The following ZNF236 variants were observed in gnomAD, a reference collection of about 807,000 sequenced individuals.
The protein encoded by ZNF236 is regulated by glucose.
In ZNF236, 50 loss-of-function variants were observed where a neutral mutation model predicts 191.2. That is an observed-to-expected ratio of 0.26 (90% CI 0.21 to 0.33). The LOEUF (loss-of-function observed/expected upper bound fraction) is 0.33. Ranked by LOEUF, ZNF236 falls within the 10% of genes least tolerant of loss-of-function variation. The pLI, the probability that ZNF236 is intolerant of heterozygous loss-of-function variation, is 1.00. For synonymous variants in ZNF236, 907 were observed against 928.8 expected (o/e 0.98, Z 0.43); for missense variants, 1,754 against 2,374.5 (o/e 0.74, Z 5.43).
intron 26 of ZNF236, among the ~76,000 whole-genome samples, chr18:76,941,953 A>G (rs1455417548): frequency 6.6e-6 from 1 of 152,174 alleles, no homozygotes; most frequent in Non-Finnish European, 1.5e-5. Context: ...TTTGAATGGT[A>G]TTTTTCTAAA....
intron 1 of ZNF236, chr18:76,841,186 C>T (rs1975487198): frequency 1.3e-5 from 2 of 152,290 alleles, no homozygotes. Flanking sequence ...ATCCACCCAC[C>T]TCGGCCTCCC....
chr18:76,866,425 G>A (rs985899275), intron 3 of ZNF236, among the ~76,000 whole-genome samples: 1 of 152,150 alleles, frequency 6.6e-6, no homozygotes, highest in African/African-American at 2.4e-5. Context: ...GATGATGATG[G>A]GGGGGATCCT....
intron 9 of ZNF236, among the ~76,000 whole-genome samples, chr18:76,882,216 C>T (rs11663537): frequency 0.94 from 143,563 of 152,266 alleles, 67,749 homozygotes; most frequent in Non-Finnish European, 0.96. Flanking sequence ...CTCTGGTCTC[C>T]GTCAAATCTT....
At chr18:76,851,732 A>G (rs777514666) in intron 2 of ZNF236, 43 bp from the exon 3 acceptor site, 14 of 1,577,710 alleles carry the variant, frequency 8.9e-6, no homozygotes, top group South Asian at 1.2e-5. Context: ...CATCTGTGAA[A>G]AGATTGTATT....
intron 5 of ZNF236, among the ~76,000 whole-genome samples, chr18:76,873,052 A>G (rs1976621685): frequency 6.6e-6 from 1 of 152,174 alleles, no homozygotes; most frequent in Non-Finnish European, 1.5e-5. Context: ...TTTCTAGAGT[A>G]AGAGAGAAAG....
chr18:76,843,775 CAAAAAAAAAAAAAAAAAAA>C (rs780026489), intron 1 of ZNF236, among the ~76,000 whole-genome samples: 2 of 8,260 alleles, frequency 2.4e-4, no homozygotes, highest in Non-Finnish European at 3.7e-4. Context: ...GACTCCGTCT[CAAAAAAAAAAAAAAAAAAA>C]AAAAAAAAAA....
Position 76,972,817 on chromosome 18 carries a change from T to G in ZNF236, c.*4478T>G, listed in dbSNP as rs1968927470. Among the ~76,000 whole-genome samples, 1 of 152,190 alleles carries G rather than the reference T, an allele frequency of 6.6e-6. No individual in the cohort carries two copies. The highest frequency in any genetic ancestry group is 2.1e-4 in the South Asian group (1 of 4,828). ...ATTGGATGATATTTATTTAATCCAG[T>G]TTTGTATTAGAAATGGATAGTGATG... On this transcript the variant is annotated 3_prime_UTR_variant, in exon 31 of 31. Coordinates refer to ENST00000320610, the MANE Select transcript of ZNF236 (RefSeq NM_001306089.2).
intron 9 of ZNF236, among the ~76,000 whole-genome samples, chr18:76,894,483 A>C (rs907716417): frequency 6.6e-6 from 1 of 152,222 alleles, no homozygotes; most frequent in African/African-American, 2.4e-5. Context: ...ACTTGATTCA[A>C]AATTGAGTAA....
At chr18:76,952,558 G>A (rs529389451) in intron 27 of ZNF236, among the ~76,000 whole-genome samples, 3 of 152,210 alleles carry the variant, frequency 2.0e-5, no homozygotes, top group Non-Finnish European at 4.4e-5. Context: ...AGTGCTGGCT[G>A]TAGCCTCTGG....
At chr18:76,915,522 C>A in intron 18 of ZNF236, 125 bp from the exon 19 acceptor site, 1 of 806,984 alleles carries the variant, frequency 1.2e-6, no homozygotes, top group Non-Finnish European at 1.9e-6. Flanking sequence ...TAACCAAAGT[C>A]TGTTAAGCCT....
chr18:76,862,319 A>G (rs1207991365), intron 3 of ZNF236, among the ~76,000 whole-genome samples: 1 of 152,158 alleles, frequency 6.6e-6, no homozygotes, highest in Non-Finnish European at 1.5e-5. Context: ...AAATCTTTTT[A>G]TGGTATTTAC....
At chr18:76,964,315 C>T (rs1379551874) in intron 30 of ZNF236, among the ~76,000 whole-genome samples, 1 of 152,180 alleles carries the variant, frequency 6.6e-6, no homozygotes, top group East Asian at 1.9e-4. Flanking sequence ...TTTCATTTTT[C>T]ACCCAATGAT....
chr18:76,918,456 ACT>A (rs1016078388), intron 19 of ZNF236, among the ~76,000 whole-genome samples: 9 of 152,180 alleles, frequency 5.9e-5, no homozygotes, highest in African/African-American at 2.2e-4. Context: ...ACAGGGTCTC[ACT>A]CTGTCACCCA....
At chr18:76,860,126 G>A (rs1028799717) in intron 3 of ZNF236, among the ~76,000 whole-genome samples, 8 of 152,306 alleles carry the variant, frequency 5.3e-5, no homozygotes, top group Admixed American at 2.0e-4. Flanking sequence ...GAATGTTGGC[G>A]GGAGAGCTGA....
At chr18:76,959,221 C>T (rs1241696644) in intron 28 of ZNF236, among the ~76,000 whole-genome samples, 3 of 152,300 alleles carry the variant, frequency 2.0e-5, no homozygotes, top group Admixed American at 6.5e-5. Context: ...AGTCACTGAA[C>T]GGGTCCCAGC....
Position 76,919,822 on chromosome 18 carries a change from A to G in ZNF236, c.3321A>G (p.Ser1107=), listed in dbSNP as rs1967483350. The change falls in exon 20 of 31, where the codon TCA becomes TCG. Residue 1107 remains serine, a synonymous_variant. Coordinates refer to ENST00000320610, the MANE Select transcript of ZNF236 (RefSeq NM_001306089.2). The surrounding 1 kb of genome is among the most constrained non-coding windows in gnomAD (Gnocchi z 5.3). ...EEEEHSDRNA[S]RKSRPEVITF... ...AAGAACATTCTGACAGAAATGCATC[A>G]CGGAAGTCTCGTCCTGAGGTCATCA... 6.2e-7 allele frequency: 1 copy of G among 1,614,122 alleles called. No homozygotes were observed. Among genetic ancestry groups the G allele is most frequent in the Non-Finnish European group, 8.5e-7 (1 of 1,180,054 alleles).
At chr18:76,845,612 A>G (rs540089577) in intron 1 of ZNF236, among the ~76,000 whole-genome samples, 1 of 152,202 alleles carries the variant, frequency 6.6e-6, no homozygotes, top group Admixed American at 6.5e-5. Context: ...GCACTTTGGG[A>G]GGCAGAGATG....
At chr18:76,934,026 T>C (rs1967929869) in intron 25 of ZNF236, among the ~76,000 whole-genome samples, 1 of 152,238 alleles carries the variant, frequency 6.6e-6, no homozygotes, top group African/African-American at 2.4e-5. Context: ...CAAAAACCTC[T>C]AATGCCCATA....
At chr18:76,877,879 GGTAAT>G (rs1976759626) in intron 6 of ZNF236, 125 bp from the exon 7 acceptor site, 2 of 642,634 alleles carry the variant, frequency 3.1e-6, no homozygotes, top group Non-Finnish European at 4.8e-6. Context: ...AAAGAAAAAA[GGTAAT>G]GTTGAAGGGT....
Sources: gnomAD v4.1 joint callset for allele counts (sites outside exome capture counted in the v4.1 genomes callset) on GRCh38, gnomAD v4.1.1 for gene constraint, Gnocchi (gnomAD v3.1) non-coding constraint, MANE v1.5 for transcripts, NCBI Gene and HGNC (gene_info 2026-07-23, HGNC 2026-07-21) for gene names.